The following PBRM1 variants were observed in gnomAD, a reference collection of about 807,000 sequenced individuals.
PBRM1 encodes the protein polybromo 1, also known as protein polybromo-1.
A neutral mutation model predicts 194.5 loss-of-function variants in PBRM1; 27 were observed. The observed-to-expected ratio is 0.14, with a 90% CI of 0.10 to 0.19. PBRM1 has a LOEUF of 0.19. Among genes scored for constraint, PBRM1 ranks in the 10% least tolerant of loss-of-function variants. The pLI is 1.00. For synonymous variants in PBRM1, 655 were observed against 693.2 expected, an observed-to-expected ratio of 0.94 and a Z score of 0.87; for missense variants, 1,466 against 2,077.2, an observed-to-expected ratio of 0.71 and a Z score of 5.72.
Position 52,623,701 on chromosome 3 carries a change from A to G in PBRM1, c.1541+3572T>C, listed in dbSNP as rs929686594. ...ATTAACTAACTGGATCCTCACACCA[A>G]TCCTATGAAGGTACTGTCATTAACT... On this transcript the variant is annotated intron_variant, in intron 13 of 29. Coordinates refer to ENST00000296302, the Ensembl canonical transcript of PBRM1. 3.3e-5 allele frequency among the ~76,000 whole-genome samples: 5 copies of G among 152,166 alleles called. No homozygotes were observed. The East Asian group carries it at 5.8e-4, about 18-fold the overall frequency.
chr3:52,580,584 G>C (rs1007049888), intron 20 of PBRM1, among the ~76,000 whole-genome samples: 1 of 151,998 alleles, frequency 6.6e-6, no homozygotes, highest in African/African-American at 2.4e-5. Context: ...GGATGGTCTT[G>C]ATCTCCTGAC....
intron 2 of PBRM1, among the ~76,000 whole-genome samples, chr3:52,671,340 G>A (rs192424214): frequency 6.6e-6 from 1 of 152,354 alleles, no homozygotes; most frequent in Admixed American, 6.5e-5. Flanking sequence ...CTTCGAGGTT[G>A]TAACATGACA....
intron 12 of PBRM1, among the ~76,000 whole-genome samples, chr3:52,628,295 T>G (rs1375718433): frequency 6.6e-6 from 1 of 151,416 alleles, no homozygotes; most frequent in Non-Finnish European, 1.5e-5. Flanking sequence ...GACCAATCCC[T>G]GCTTCCTCCA....
chr3:52,596,650 G>T (rs774793425), intron 17 of PBRM1, among the ~76,000 whole-genome samples: 1 of 151,808 alleles, frequency 6.6e-6, no homozygotes, highest in Non-Finnish European at 1.5e-5. Flanking sequence ...TGGGAGCTAG[G>T]GCCTGGAATG....
At chr3:52,646,475 T>A (rs2096291968) in intron 7 of PBRM1, among the ~76,000 whole-genome samples, 1 of 152,180 alleles carries the variant, frequency 6.6e-6, no homozygotes, top group African/African-American at 2.4e-5. Context: ...TTATGAAGTT[T>A]AAATGCAGGG....
chr3:52,555,851 GAA>G (rs1211925871), intron 26 of PBRM1, among the ~76,000 whole-genome samples: 1 of 152,052 alleles, frequency 6.6e-6, no homozygotes, highest in South Asian at 2.1e-4. Context: ...ATAAATGTAA[GAA>G]AAAAAATTCA....
At chr3:52,551,039 C>T (rs2080861443) in intron 27 of PBRM1, among the ~76,000 whole-genome samples, 1 of 152,214 alleles carries the variant, frequency 6.6e-6, no homozygotes, top group Non-Finnish European at 1.5e-5. Flanking sequence ...GTCAGATGTA[C>T]ATCAATTATG....
chr3:52,563,266 G>A lies in PBRM1; in HGVS notation c.4086+17C>T. 6.3e-7 allele frequency: 1 copy of A among 1,597,702 alleles called. No individual in the cohort carries two copies. The highest frequency in any genetic ancestry group is 8.6e-7 in the Non-Finnish European group (1 of 1,167,280). ...AAGGTGGTAATAAGATAAGTAACAG[G>A]AACCTGTCACCTTCACCTGTGGGGG... is the stretch of plus-strand genomic sequence containing the variant. On this transcript the variant is annotated intron_variant, in intron 24 of 29. Coordinates refer to ENST00000296302, the Ensembl canonical transcript of PBRM1.
downstream of PBRM1, chr3:52,546,819 A>T (rs1485004479): frequency 8.6e-6 from 2 of 233,192 alleles, no homozygotes; most frequent in Non-Finnish European, 1.7e-5. Context: ...CTTTCTAGTA[A>T]GCGTTTTATT....
chr3:52,561,922 T>G (rs2083632180), exon 25 of PBRM1: 2 of 1,614,144 alleles, frequency 1.2e-6, no homozygotes, highest in Non-Finnish European at 1.7e-6. Context: ...GATTTTCCGT[T>G]TGGAGCCTTC....
intron 7 of PBRM1, among the ~76,000 whole-genome samples, chr3:52,647,952 T>C (rs765262363): frequency 6.6e-6 from 1 of 152,018 alleles, no homozygotes. Context: ...AGTCTTGCAC[T>C]GTCGCCCGGG....
At chr3:52,616,603 G>A (rs1169305324) in intron 14 of PBRM1, among the ~76,000 whole-genome samples, 1 of 152,208 alleles carries the variant, frequency 6.6e-6, no homozygotes, top group African/African-American at 2.4e-5. Context: ...TGAGGCAGGA[G>A]AATGGCATGA....
chr3:52,618,799 T>A (rs2095118599), intron 13 of PBRM1, among the ~76,000 whole-genome samples: 1 of 152,044 alleles, frequency 6.6e-6, no homozygotes, highest in African/African-American at 2.4e-5. Flanking sequence ...TTGCCCAGGC[T>A]GGAGTGCAAC....
At chr3:52,679,731 A>G, upstream of PBRM1, 3 of 1,610,864 alleles carry the variant, frequency 1.9e-6, no homozygotes, top group Non-Finnish European at 2.5e-6. Context: ...CTTCTTCTAT[A>G]AGAAATAATC....
chr3:52,609,704 C>T lies in PBRM1; in HGVS notation c.2176G>A (p.Glu726Lys), dbSNP rs2153422733. 1 of 1,613,144 alleles carries T rather than the reference C, an allele frequency of 6.2e-7. No homozygotes were observed. The highest frequency in any genetic ancestry group is 8.5e-7 in the Non-Finnish European group (1 of 1,179,702). The change falls in exon 16 of 30, where the codon GAG (glutamate) becomes AAG (lysine). Residue 726 changes from glutamate to lysine, a missense_variant. Glu to Lys is a moderately conservative substitution (Grantham distance 56). Coordinates refer to ENST00000296302, the Ensembl canonical transcript of PBRM1. This position sits in a 1 kb window ranked among gnomAD's most constrained non-coding sequence, Gnocchi z 4.1. Reference sequence around the variant, plus strand: ...TTATTAAACATCATGACAAAGTCCTCAACCATAGAGTCAATATCTTGGTAC... The same window carrying T: ...TTATTAAACATCATGACAAAGTCCTTAACCATAGAGTCAATATCTTGGTAC...
At chr3:52,634,682 A>C (rs754674808) in exon 11 of PBRM1, 9 of 1,613,840 alleles carry the variant, frequency 5.6e-6, no homozygotes, top group Non-Finnish European at 7.6e-6. Context: ...AATGGTAAAA[A>C]GGTTCAGCTA....
At chr3:52,564,999 A>C (rs1050916136) in intron 22 of PBRM1, among the ~76,000 whole-genome samples, 1 of 151,924 alleles carries the variant, frequency 6.6e-6, no homozygotes, top group African/African-American at 2.4e-5. Flanking sequence ...AGAGATCGAG[A>C]CCGTCCTTGG....
At position 52,554,624 on chromosome 3, in the gene PBRM1, G is replaced by C. The variant is rs4605534; in HGVS notation, c.4609+100C>G. On this transcript the variant is annotated intron_variant, in intron 27 of 29. Transcript: ENST00000296302. ...TGGATTCTCAGGGAGGGAAGGCCTG[G>C]CCACAATGGGCCACGGGTGCCTCCT... 5 of 1,023,620 alleles carry C rather than the reference G, an allele frequency of 4.9e-6. No individual in the cohort carries two copies. In the African/African-American group the frequency reaches 8.2e-5, roughly 17 times the overall value. 63.4% of individuals were successfully genotyped at this position (1,023,620 alleles called of 1,614,324 possible).
At chr3:52,637,504 G>A (rs2095864913) in intron 10 of PBRM1, among the ~76,000 whole-genome samples, 2 of 151,962 alleles carry the variant, frequency 1.3e-5, no homozygotes, top group African/African-American at 4.8e-5. Flanking sequence ...GTGGTGGCAT[G>A]TGCCTGTGGT....
Sources: allele counts gnomAD v4.1 joint callset (sites outside exome capture counted in the v4.1 genomes callset), GRCh38; gene constraint gnomAD v4.1.1; non-coding constraint Gnocchi (gnomAD v3.1); transcripts MANE v1.5; gene names NCBI Gene and HGNC (gene_info 2026-07-23, HGNC 2026-07-21).